ERCC6: variants seen among roughly 807,000 people sequenced by gnomAD.
The protein encoded by ERCC6 is DNA excision repair protein ERCC-6.
In ERCC6, 116 loss-of-function variants were observed where a neutral mutation model predicts 158.7. The observed-to-expected ratio is 0.73, with a 90% confidence interval of 0.63 to 0.85. The LOEUF (loss-of-function observed/expected upper bound fraction) is 0.85, where lower values mean the gene tolerates loss of function less well. Among genes scored for constraint, ERCC6 ranks in the 40% least tolerant of loss-of-function variants. The probability of loss-of-function intolerance (pLI) is 0.00; values close to 1 mark genes in which losing one functional copy is unlikely to be tolerated. For missense variants in ERCC6, 1,698 were observed against 1,799.4 expected, an observed-to-expected ratio of 0.94 and a Z score of 1.02; for synonymous variants, 678 against 659.3, an observed-to-expected ratio of 1.03 and a Z score of -0.43.
chr10:49,445,620 AT>A, the ERCC6 span, among the ~76,000 whole-genome samples: 4 of 152,248 alleles, frequency 2.6e-5, no homozygotes, highest in Admixed American at 2.0e-4. Flanking sequence ...AACAGATAAG[AT>A]TACCCAAAAG....
chr10:49,468,207 G>A (rs939819395), intron 18 of ERCC6, among the ~76,000 whole-genome samples: 2 of 152,208 alleles, frequency 1.3e-5, no homozygotes, highest in African/African-American at 2.4e-5. Context: ...GAGTGCCAGT[G>A]GAGACTCTGC....
chr10:49,526,110 TATATTTTTATATATA>T (rs1837322769), intron 4 of ERCC6, among the ~76,000 whole-genome samples: 1 of 75,924 alleles, frequency 1.3e-5, no homozygotes, highest in African/African-American at 6.3e-5. Context: ...TATATATTTA[TATATTTTTATATATA>T]TATATATATA....
intron 11 of ERCC6, among the ~76,000 whole-genome samples, chr10:49,477,685 G>C (rs1047009483): frequency 6.6e-6 from 1 of 151,914 alleles, no homozygotes; most frequent in Non-Finnish European, 1.5e-5. Flanking sequence ...CCTCCTCCTT[G>C]CTCCCAGCCC....
chr10:49,458,547 T>C lies in ERCC6; in HGVS notation c.*268A>G, dbSNP rs1358987652. 1 of 436,018 alleles carries C rather than the reference T, an allele frequency of 2.3e-6. No individual in the cohort carries two copies. Among genetic ancestry groups the C allele is most frequent in the Non-Finnish European group, 4.2e-6 (1 of 239,306 alleles). The allele number at this position is 436,018 out of a possible 1,614,324, so 27.0% of individuals were successfully genotyped here. A position where few individuals can be genotyped will look rare whatever the true frequency, so the allele number is the denominator to read the frequency against. On this transcript the variant is annotated 3_prime_UTR_variant, in exon 21 of 21. Coordinates refer to ENST00000355832, the MANE Select transcript of ERCC6 (RefSeq NM_000124.4). ...GAACAAATGTGCTCCAAGGAGTAACTGTTAGGTACCTGATTTACAATATAA... is the reference window on the plus strand; with the variant it reads ...GAACAAATGTGCTCCAAGGAGTAACCGTTAGGTACCTGATTTACAATATAA...
At chr10:49,498,236 C>G (rs747219961) in intron 7 of ERCC6, among the ~76,000 whole-genome samples, 45 of 152,148 alleles carry the variant, frequency 3.0e-4, no homozygotes, top group Non-Finnish European at 5.6e-4. Context: ...GACACTGTTC[C>G]CATTTCAATG....
chr10:49,526,117 T>TATATTTTTA (rs1837326508), intron 4 of ERCC6, among the ~76,000 whole-genome samples: 2 of 43,588 alleles, frequency 4.6e-5, no homozygotes, highest in African/African-American at 1.7e-4. Flanking sequence ...TTATATATTT[T>TATATTTTTA]TATATATATA....
intron 18 of ERCC6, among the ~76,000 whole-genome samples, chr10:49,466,961 T>C (rs1850687367): frequency 6.6e-6 from 1 of 152,044 alleles, no homozygotes; most frequent in Non-Finnish European, 1.5e-5. Flanking sequence ...TTTGTATTTT[T>C]GTAGAGATGG....
chr10:49,529,022 T>G (rs540977780), intron 3 of ERCC6, among the ~76,000 whole-genome samples: 4 of 152,298 alleles, frequency 2.6e-5, no homozygotes, highest in African/African-American at 9.6e-5. Flanking sequence ...CTTTTAGTAT[T>G]CTACCTAATC....
At chr10:49,453,563 G>GA (rs1225536911), downstream of ERCC6, among the ~76,000 whole-genome samples, 1 of 152,126 alleles carries the variant, frequency 6.6e-6, no homozygotes, top group Non-Finnish European at 1.5e-5. Flanking sequence ...GTTAAGAGGA[G>GA]AAAAATATGC....
chr10:49,470,282 C>G lies in ERCC6; in HGVS notation c.3678G>C (p.Val1226=). 6.2e-7 allele frequency: 1 copy of G among 1,614,120 alleles called. No individual in the cohort carries two copies. Among genetic ancestry groups the G allele is most frequent in the Non-Finnish European group, 8.5e-7 (1 of 1,180,010 alleles). The change falls in exon 18 of 21, where the codon GTG becomes GTC. Residue 1226 remains valine (V), a synonymous_variant. Coordinates refer to ENST00000355832, the MANE Select transcript of ERCC6 (RefSeq NM_000124.4). ...KFEGTRIPHL[V]KKRRYQKQDS... ...CTTGCTTCTGGTAACGCCTTTTCTT[C>G]ACCAGGTGTGGAATTCGAGTTCCTT...
intron 11 of ERCC6, among the ~76,000 whole-genome samples, chr10:49,477,643 C>T (rs1473383725): frequency 6.6e-6 from 1 of 152,130 alleles, no homozygotes; most frequent in East Asian, 1.9e-4. Context: ...GCCAGCCTCC[C>T]CAGTCTTCCC....
rs766274422 is a variant in ERCC6, at chr10:49,470,817, T to C, written c.3143A>G (p.His1048Arg). The C allele has an allele frequency of 5.0e-6, 8 of 1,614,084 alleles. No individual in the cohort carries two copies. In the South Asian group the frequency reaches 5.5e-5, roughly 11 times the overall value. ...GAACTTCTTGCGTTTTGGAACATCATGGTCTGCTCCAAAGGCTGGTTGAAT... is the reference window on the plus strand; with the variant it reads ...GAACTTCTTGCGTTTTGGAACATCACGGTCTGCTCCAAAGGCTGGTTGAAT... ...RRIQPAFGAD[H>R]DVPKRKKFPA... The change falls in exon 18 of 21, where the codon CAT (histidine) becomes CGT (arginine). Residue 1048 changes from histidine to arginine, a missense_variant. Physicochemically the swap from His to Arg is conservative, Grantham distance 29. Coordinates refer to ENST00000355832, the MANE Select transcript of ERCC6 (RefSeq NM_000124.4).
At chr10:49,462,498 T>TAA (rs149556678) in intron 18 of ERCC6, among the ~76,000 whole-genome samples, 5 of 150,860 alleles carry the variant, frequency 3.3e-5, no homozygotes, top group South Asian at 2.1e-4. Context: ...ACAATTTTTT[T>TAA]AAAAAAAAAC....
At chr10:49,537,320 G>C (rs1485709790) in intron 1 of ERCC6, among the ~76,000 whole-genome samples, 1 of 147,494 alleles carries the variant, frequency 6.8e-6, no homozygotes, top group Non-Finnish European at 1.5e-5. Flanking sequence ...TCCAGCCTGG[G>C]CGACAGGGCA....
chr10:49,493,095 A>T (rs1353600345), intron 8 of ERCC6, 22 bp downstream of exon 8: 1 of 1,613,440 alleles, frequency 6.2e-7, no homozygotes, highest in South Asian at 1.1e-5. Flanking sequence ...CAAAACAAAA[A>T]GGTACTGAAA....
the ERCC6 span, among the ~76,000 whole-genome samples, chr10:49,447,004 A>G: frequency 9.2e-5 from 14 of 152,224 alleles, no homozygotes; most frequent in African/African-American, 3.4e-4. Flanking sequence ...ATAAATCCAC[A>G]TATCTCTGAG....
intron 1 of ERCC6, among the ~76,000 whole-genome samples, chr10:49,534,144 AAAAAAAAAAAC>A (rs1837538931): frequency 6.7e-6 from 1 of 148,638 alleles, no homozygotes; most frequent in Non-Finnish European, 1.5e-5. Flanking sequence ...AAAAAAAAAA[AAAAAAAAAAAC>A]AAAAAAAAAA....
chr10:49,481,245 T>A (rs1413590868), intron 10 of ERCC6, among the ~76,000 whole-genome samples: 1 of 152,222 alleles, frequency 6.6e-6, no homozygotes, highest in African/African-American at 2.4e-5. Context: ...TCAGTGAATC[T>A]GGGTGAAGTG....
rs1482939660 is a variant in ERCC6 at position 49,456,356 on chromosome 10, T to C, written c.*2459A>G. 2.6e-5 allele frequency: 4 copies of C among 152,164 alleles called. No homozygotes were observed. The highest frequency in any genetic ancestry group is 4.4e-5 in the Non-Finnish European group (3 of 68,014). 9.4% of individuals were successfully genotyped at this position (152,164 alleles called of 1,614,324 possible). On this transcript the variant is annotated 3_prime_UTR_variant, in exon 21 of 21. Transcript: ENST00000355832. ...ATACCCTGCTTCTTTAAAGGGCCAA[T>C]TGGGAAGTTTAAAACTTAGTCATAT...
Sources: gnomAD v4.1 joint callset for allele counts (sites outside exome capture counted in the v4.1 genomes callset) on GRCh38, gnomAD v4.1.1 for gene constraint, MANE v1.5 for transcripts, NCBI Gene and HGNC (gene_info 2026-07-23, HGNC 2026-07-21) for gene names.